Variants in PAFAH1B1 observed in about 807,000 individuals in gnomAD.
PAFAH1B1 encodes platelet-activating factor acetylhydrolase IB subunit beta.
Under a neutral mutation model 57.5 loss-of-function variants are expected in PAFAH1B1, and 2 were observed. That is an observed-to-expected ratio of 0.03 (90% CI 0.01 to 0.11). The LOEUF (loss-of-function observed/expected upper bound fraction) is 0.11, where lower values mean the gene tolerates loss of function less well. PAFAH1B1 is among the 10% of genes least tolerant of loss of function. The pLI is 1.00. For missense variants in PAFAH1B1, 257 were observed against 512.0 expected, an observed-to-expected ratio of 0.50 and a Z score of 4.81; for synonymous variants, 152 against 169.6, an observed-to-expected ratio of 0.90 and a Z score of 0.81.
At chr17:2,632,429 T>C (rs1036503103) in intron 1 of PAFAH1B1, among the ~76,000 whole-genome samples, 2 of 152,242 alleles carry the variant, frequency 1.3e-5, no homozygotes, top group Non-Finnish European at 2.9e-5. Context: ...GTTACTTGTC[T>C]CACTTAATCC....
At chr17:2,631,555 C>T (rs2151629738) in intron 1 of PAFAH1B1, among the ~76,000 whole-genome samples, 1 of 152,326 alleles carries the variant, frequency 6.6e-6, no homozygotes, top group South Asian at 2.1e-4. Flanking sequence ...TCCTCTATCC[C>T]TGCATTTTGC....
intron 8 of PAFAH1B1, among the ~76,000 whole-genome samples, chr17:2,674,565 C>T (rs961112754): frequency 5.3e-5 from 8 of 152,132 alleles, no homozygotes; most frequent in Non-Finnish European, 7.3e-5. Context: ...ATGAGATCAT[C>T]TCAATGTAAA....
At chr17:2,642,505 C>T (rs948676139) in intron 2 of PAFAH1B1, 31 of 152,270 alleles carry the variant, frequency 2.0e-4, no homozygotes, top group African/African-American at 7.0e-4. Flanking sequence ...TTGGTTGAGT[C>T]TCATATCCGA....
At position 2,681,904 on chromosome 17, in the gene PAFAH1B1, A is replaced by C. The variant is rs1464754171; in HGVS notation, c.*102A>C. On this transcript the variant is annotated 3_prime_UTR_variant, in exon 11 of 11. Transcript: ENST00000397195. The stretch of plus-strand genomic sequence containing the variant: ...CTGTTTAAATAAATATTGTCCTTTC[A>C]TGTAAATTATTCTGGATGTAGATTG... 2 of 799,280 alleles carry C rather than the reference A, an allele frequency of 2.5e-6. No individual in the cohort carries two copies. Among genetic ancestry groups the C allele is most frequent in the African/African-American group, 3.5e-5 (2 of 57,622 alleles). 49.5% of individuals were successfully genotyped at this position (799,280 alleles called of 1,614,324 possible).
intron 2 of PAFAH1B1, among the ~76,000 whole-genome samples, chr17:2,644,089 G>A (rs1287745283): frequency 1.3e-5 from 2 of 150,858 alleles, no homozygotes; most frequent in South Asian, 2.1e-4. Flanking sequence ...TGTTGCCCAC[G>A]GTGGTCTCAC....
At chr17:2,666,902 C>A in intron 4 of PAFAH1B1, 90 bp from the exon 5 acceptor site, 1 of 873,436 alleles carries the variant, frequency 1.1e-6, no homozygotes, top group Non-Finnish European at 1.9e-6. Context: ...ATCCTACATA[C>A]ATAGTTGCAA....
At chr17:2,619,203 G>A (rs2068387330) in intron 1 of PAFAH1B1, among the ~76,000 whole-genome samples, 1 of 151,900 alleles carries the variant, frequency 6.6e-6, no homozygotes, top group Non-Finnish European at 1.5e-5. Flanking sequence ...AGGCTTTCGT[G>A]TAGCGGCGTA....
chr17:2,638,680 G>A (rs2068655275), intron 2 of PAFAH1B1: 1 of 241,496 alleles, frequency 4.1e-6, no homozygotes, highest in Non-Finnish European at 8.2e-6. Flanking sequence ...GCTAATTTTT[G>A]TATTTTTAGT....
At chr17:2,625,365 C>T (rs191794427) in intron 1 of PAFAH1B1, among the ~76,000 whole-genome samples, 4 of 152,090 alleles carry the variant, frequency 2.6e-5, no homozygotes, top group African/African-American at 4.8e-5. Flanking sequence ...TCTTCTTATT[C>T]GTTATTTTGA....
At chr17:2,661,582 A>C (rs2069014001) in intron 2 of PAFAH1B1, among the ~76,000 whole-genome samples, 1 of 152,066 alleles carries the variant, frequency 6.6e-6, no homozygotes, top group Non-Finnish European at 1.5e-5. Flanking sequence ...GTATAGTTTG[A>C]AGTCAGGTAG....
At chr17:2,652,158 T>A (rs950912373) in intron 2 of PAFAH1B1, among the ~76,000 whole-genome samples, 14 of 36,846 alleles carry the variant, frequency 3.8e-4, no homozygotes, top group African/African-American at 6.5e-4. Context: ...ACGCCTGTAA[T>A]CCCACACTTT....
chr17:2,679,526 T>TGGATGATTAGATGGA (rs2069339527), intron 9 of PAFAH1B1, among the ~76,000 whole-genome samples: 1 of 9,198 alleles, frequency 1.1e-4, no homozygotes, highest in African/African-American at 4.0e-4. Context: ...GGATGGATGA[T>TGGATGATTAGATGGA]TGGATGGATG....
intron 2 of PAFAH1B1, among the ~76,000 whole-genome samples, chr17:2,653,198 C>G (rs2068888938): frequency 6.6e-6 from 1 of 152,080 alleles, no homozygotes; most frequent in South Asian, 2.1e-4. Flanking sequence ...CATGTTCTCA[C>G]TCATAGGTGG....
intron 2 of PAFAH1B1, among the ~76,000 whole-genome samples, chr17:2,662,947 C>T (rs2069038382): frequency 6.6e-6 from 1 of 152,010 alleles, no homozygotes; most frequent in Admixed American, 6.6e-5. Flanking sequence ...AACCCCGTCT[C>T]TACTAAAAAT....
At chr17:2,642,614 A>C (rs995193890) in intron 2 of PAFAH1B1, among the ~76,000 whole-genome samples, 1 of 152,088 alleles carries the variant, frequency 6.6e-6, no homozygotes, top group Admixed American at 6.6e-5. Flanking sequence ...GAGCTACTCA[A>C]CCTCTACTTC....
chr17:2,650,758 A>AT (rs1347194185), intron 2 of PAFAH1B1, among the ~76,000 whole-genome samples: 1 of 152,022 alleles, frequency 6.6e-6, no homozygotes, highest in South Asian at 2.1e-4. Flanking sequence ...AGTTCTAACC[A>AT]TTTTTTTGTG....
intron 2 of PAFAH1B1, among the ~76,000 whole-genome samples, chr17:2,661,477 T>C (rs1428337318): frequency 1.3e-5 from 2 of 152,178 alleles, no homozygotes; most frequent in South Asian, 2.1e-4. Flanking sequence ...TTTGTAGATA[T>C]GTGGTGTTAT....
intron 2 of PAFAH1B1, chr17:2,640,490 C>G (rs1597544055): frequency 7.2e-6 from 1 of 139,460 alleles, no homozygotes; most frequent in East Asian, 2.2e-4. Context: ...CTCGCACTGT[C>G]ACTCGGGCTG....
At chr17:2,666,223 CATGAAAAGT>C in intron 4 of PAFAH1B1, 133 bp downstream of exon 4, 2 of 907,764 alleles carry the variant, frequency 2.2e-6, no homozygotes, top group Non-Finnish European at 3.2e-6. Flanking sequence ...TTTTGTGCTT[CATGAAAAGT>C]ATGACCTAGG....
Sources: gnomAD v4.1 joint callset for allele counts (sites outside exome capture counted in the v4.1 genomes callset) on GRCh38, gnomAD v4.1.1 for gene constraint, MANE v1.5 for transcripts, NCBI Gene and HGNC (gene_info 2026-07-23, HGNC 2026-07-21) for gene names.